CEMIP: variants seen among roughly 807,000 people sequenced by gnomAD.
The protein encoded by CEMIP is cell migration-inducing and hyaluronan-binding protein.
A neutral mutation model predicts 156.9 loss-of-function variants in CEMIP; 105 were observed. The ratio of observed to expected loss-of-function variants is 0.67; its 90% confidence interval spans 0.57 to 0.79. The LOEUF (loss-of-function observed/expected upper bound fraction) is 0.79. Ranked by LOEUF, CEMIP falls within the 30% of genes least tolerant of loss-of-function variation. The pLI is 0.00. For missense variants in CEMIP, 1,457 were observed against 1,769.4 expected, an observed-to-expected ratio of 0.82 and a Z score of 3.17; for synonymous variants, 676 against 668.4, an observed-to-expected ratio of 1.01 and a Z score of -0.17.
rs755303837 is a variant in CEMIP, at chr15:80,942,029, C to T, written c.3588C>T (p.Pro1196=). The change falls in exon 26 of 30, where the codon CCC becomes CCT. Residue 1196 remains proline (P), a synonymous_variant. Transcript: ENST00000394685. Reference sequence around the variant, plus strand: ...GGGCTGTCGTAGACGTGCCGATGCCCAAGAAGCTCTTTGGTTCTCAGCTGG... The same window carrying T: ...GGGCTGTCGTAGACGTGCCGATGCCTAAGAAGCTCTTTGGTTCTCAGCTGG... The part of the protein sequence containing the change: ...TERAVVDVPM[P]KKLFGSQLKT... 4 of 1,613,628 alleles carry T rather than the reference C, an allele frequency of 2.5e-6. No individual in the cohort carries two copies. The highest frequency in any genetic ancestry group is 1.7e-5 in the Admixed American group (1 of 59,992).
chr15:80,829,175 C>T (rs1034283998), intron 1 of CEMIP, among the ~76,000 whole-genome samples: 2 of 152,284 alleles, frequency 1.3e-5, no homozygotes, highest in South Asian at 2.1e-4. Context: ...GCCTTCAACT[C>T]CCACCTTGAA....
intron 1 of CEMIP, among the ~76,000 whole-genome samples, chr15:80,817,752 G>A (rs1048171856): frequency 6.6e-6 from 1 of 151,988 alleles, no homozygotes; most frequent in Non-Finnish European, 1.5e-5. Context: ...AGGCTGCGGT[G>A]GCAAATTGTG....
chr15:80,925,552 A>G (rs1368199625), intron 18 of CEMIP, 72 bp from the exon 19 acceptor site: 1 of 1,590,380 alleles, frequency 6.3e-7, no homozygotes, highest in Non-Finnish European at 8.5e-7. Context: ...AGGCTCACAG[A>G]GCCCAGAAGG....
chr15:80,951,688 G>A lies in CEMIP; in HGVS notation c.*2764G>A, dbSNP rs2141778631. The A allele has an allele frequency of 6.5e-6, 1 of 152,708 alleles. No homozygotes were observed. Among genetic ancestry groups the A allele is most frequent in the African/African-American group, 2.4e-5 (1 of 41,580 alleles). The allele number at this position is 152,708 out of a possible 1,614,324, so 9.5% of individuals were successfully genotyped here. A position where few individuals can be genotyped will look rare whatever the true frequency, so the allele number is the denominator to read the frequency against. On this transcript the variant is annotated 3_prime_UTR_variant, in exon 30 of 30. Transcript: ENST00000394685. ...TTGGAGATGTCCTTTGCATTGCTTGGAAGGGGTGTACCTAGAGCCAAGGAA... is the reference window on the plus strand; with the variant it reads ...TTGGAGATGTCCTTTGCATTGCTTGAAAGGGGTGTACCTAGAGCCAAGGAA...
intron 10 of CEMIP, among the ~76,000 whole-genome samples, chr15:80,892,458 G>A (rs2141852140): frequency 6.6e-6 from 1 of 152,214 alleles, no homozygotes; most frequent in East Asian, 1.9e-4. Flanking sequence ...TTAAAACCCA[G>A]CCACCCTTCA....
intron 13 of CEMIP, among the ~76,000 whole-genome samples, chr15:80,907,689 C>T (rs763576264): frequency 7.9e-5 from 12 of 152,132 alleles, no homozygotes; most frequent in South Asian, 6.2e-4. Flanking sequence ...TATAGGAAAA[C>T]GATACTAATT....
intron 12 of CEMIP, among the ~76,000 whole-genome samples, chr15:80,902,781 A>C (rs1404898495): frequency 6.6e-6 from 1 of 152,074 alleles, no homozygotes; most frequent in Admixed American, 6.5e-5. Context: ...ACCAACTCCC[A>C]TTATTATAGG....
chr15:80,813,463 C>A (rs1896717892), intron 1 of CEMIP, among the ~76,000 whole-genome samples: 1 of 151,236 alleles, frequency 6.6e-6, no homozygotes, highest in Non-Finnish European at 1.5e-5. Context: ...GATTCTCCTG[C>A]CTCAGCCTCC....
chr15:80,885,280 C>T (rs985129780), intron 7 of CEMIP, among the ~76,000 whole-genome samples: 1 of 152,198 alleles, frequency 6.6e-6, no homozygotes, highest in African/African-American at 2.4e-5. Flanking sequence ...CTTTTCTGGG[C>T]TTGGAGCAAA....
At chr15:80,803,160 G>A (rs960347461) in intron 1 of CEMIP, among the ~76,000 whole-genome samples, 26 of 152,164 alleles carry the variant, frequency 1.7e-4, no homozygotes, top group African/African-American at 6.3e-4. Flanking sequence ...ACTTCCTCGT[G>A]TAAAGAAACC....
intron 1 of CEMIP, among the ~76,000 whole-genome samples, chr15:80,782,198 G>C (rs890629446): frequency 1.3e-5 from 2 of 152,180 alleles, no homozygotes; most frequent in African/African-American, 4.8e-5. Context: ...TCTCTCACAA[G>C]AATGCAAGGT....
rs746378714 is a variant in CEMIP, at chr15:80,925,758, G to A, written c.2420+3G>A. On this transcript the variant is annotated splice_donor_region_variant and intron_variant, in intron 19 of 29. Coordinates refer to ENST00000394685, the MANE Select transcript of CEMIP (RefSeq NM_001293298.2). Reference sequence around the variant, plus strand: ...GATGTGTGGCTGGACAGCTGCCGGTGAGTCAGAGCGGCGTGTGGCTTTGGC... The same window carrying A: ...GATGTGTGGCTGGACAGCTGCCGGTAAGTCAGAGCGGCGTGTGGCTTTGGC... The A allele has an allele frequency of 1.2e-6, 2 of 1,611,862 alleles. No homozygotes were observed. The highest frequency in any genetic ancestry group is 1.7e-6 in the Non-Finnish European group (2 of 1,179,854).
At chr15:80,784,559 A>G (rs1895880383) in intron 1 of CEMIP, among the ~76,000 whole-genome samples, 2 of 152,168 alleles carry the variant, frequency 1.3e-5, no homozygotes, top group African/African-American at 2.4e-5. Flanking sequence ...AAAGGTGGGA[A>G]CCATTGGAGT....
In CEMIP at chr15:80,949,104, C is replaced by T. The variant is rs1182675529; in HGVS notation, c.*180C>T. 3.9e-6 allele frequency: 3 copies of T among 777,702 alleles called. No homozygotes were observed. The highest frequency in any genetic ancestry group is 3.4e-5 in the African/African-American group (2 of 58,410). The allele number at this position is 777,702 out of a possible 1,614,324, so 48.2% of individuals were successfully genotyped here. ...ACCCTGGTGCTGCCACCTGCCCCTA[C>T]TCAAGTGTCTACCTGGAGCCCCTGG... On this transcript the variant is annotated 3_prime_UTR_variant, in exon 30 of 30. Transcript: ENST00000394685.
At position 80,881,150 on chromosome 15, in the gene CEMIP, T is replaced by G; in HGVS notation, c.617+14T>G. The G allele has an allele frequency of 6.2e-7, 1 of 1,605,700 alleles. No individual in the cohort carries two copies. Among genetic ancestry groups the G allele is most frequent in the Middle Eastern group, 1.7e-4 (1 of 6,046 alleles). On this transcript the variant is annotated intron_variant, in intron 6 of 29. Transcript: ENST00000394685. ...CCATTCTGACCGGTAAGGTTTGCCT[T>G]CACTTAAACGTATACTCATTCATTC... is the stretch of plus-strand genomic sequence containing the variant.
rs373571818 is a variant in CEMIP, at chr15:80,879,647, C to T, written c.242-69C>T. 93 of 1,595,754 alleles carry T rather than the reference C, an allele frequency of 5.8e-5. 1 individual carries two copies. The African/African-American group carries it at 9.0e-4, about 15-fold the overall frequency. The stretch of plus-strand genomic sequence containing the variant: ...GATGGGGAGTGCTTAGGGAGTCTGC[C>T]CTTGGCTCTGATATAACCTTACCCT... On this transcript the variant is annotated intron_variant, in intron 4 of 29. Transcript: ENST00000394685.
At chr15:80,789,246 T>C (rs1019273183) in intron 1 of CEMIP, among the ~76,000 whole-genome samples, 5 of 152,168 alleles carry the variant, frequency 3.3e-5, no homozygotes, top group Non-Finnish European at 5.9e-5. Context: ...CTGAGCCCTG[T>C]TGATTTGAAT....
At chr15:80,828,525 A>G (rs1897089485) in intron 1 of CEMIP, among the ~76,000 whole-genome samples, 4 of 152,236 alleles carry the variant, frequency 2.6e-5, no homozygotes, top group Admixed American at 1.3e-4. Context: ...TGAAAGACAT[A>G]TTTTGAATAC....
intron 1 of CEMIP, among the ~76,000 whole-genome samples, chr15:80,809,205 T>G (rs1896594796): frequency 6.6e-6 from 1 of 152,206 alleles, no homozygotes; most frequent in South Asian, 2.1e-4. Flanking sequence ...CTACAATAAT[T>G]TTTATTATAG....
Sources: allele counts gnomAD v4.1 joint callset (sites outside exome capture counted in the v4.1 genomes callset), GRCh38; gene constraint gnomAD v4.1.1; transcripts MANE v1.5; gene names NCBI Gene and HGNC (gene_info 2026-07-23, HGNC 2026-07-21).